CEP57L1: variants seen among roughly 807,000 people sequenced by gnomAD.
CEP57L1 encodes centrosomal protein CEP57L1.
Under a neutral mutation model 61.0 loss-of-function variants are expected in CEP57L1, and 37 were observed. That is an observed-to-expected ratio of 0.61 (90% CI 0.47 to 0.80). The LOEUF (loss-of-function observed/expected upper bound fraction) is 0.80. Among genes scored for constraint, CEP57L1 ranks in the 30% least tolerant of loss-of-function variants. The probability of loss-of-function intolerance (pLI) is 0.00; values close to 1 mark genes in which losing one functional copy is unlikely to be tolerated. For missense variants in CEP57L1, 422 were observed against 524.7 expected (o/e 0.80, Z 1.91); for synonymous variants, 137 against 162.3 (o/e 0.84, Z 1.19).
upstream of CEP57L1, chr6:109,095,438 G>T (rs1352474221): frequency 5.1e-6 from 5 of 985,736 alleles, no homozygotes; most frequent in Admixed American, 6.1e-5. Flanking sequence ...TGACTTGTGG[G>T]GAATGTAGTT....
In CEP57L1 at chr6:109,168,729, G is replaced by T. The variant is rs770580761; in HGVS notation, c.*5759G>T. ...TCCTGCCTCAGCCTCCCAAGTAGCTGGGATTATAGGTGTGCACCACCATGC... is the reference window on the plus strand; with the variant it reads ...TCCTGCCTCAGCCTCCCAAGTAGCTTGGATTATAGGTGTGCACCACCATGC... On this transcript the variant is annotated 3_prime_UTR_variant, in exon 11 of 11. Coordinates refer to ENST00000517392, the MANE Select transcript of CEP57L1 (RefSeq NM_001271852.3). 3.0e-4 allele frequency among the ~76,000 whole-genome samples: 45 copies of T among 151,082 alleles called. 1 individual carries two copies. Among genetic ancestry groups the T allele is most frequent in the Non-Finnish European group, 4.4e-5 (3 of 67,830 alleles).
chr6:109,146,064 A>G (rs1431868494), intron 2 of CEP57L1, among the ~76,000 whole-genome samples: 3 of 151,966 alleles, frequency 2.0e-5, no homozygotes, highest in Non-Finnish European at 4.4e-5. Context: ...AGGAATAAAT[A>G]TAATTTATTT....
At chr6:109,128,291 A>G (rs1773808723) in intron 1 of CEP57L1, among the ~76,000 whole-genome samples, 1 of 152,132 alleles carries the variant, frequency 6.6e-6, no homozygotes, top group South Asian at 2.1e-4. Context: ...ATTCACCACT[A>G]TCTACCCATT....
At chr6:109,101,623 CTTTTTTTTTTTTTT>C (rs1175348573) in intron 1 of CEP57L1, among the ~76,000 whole-genome samples, 1 of 139,930 alleles carries the variant, frequency 7.1e-6, no homozygotes, top group Non-Finnish European at 1.5e-5. Flanking sequence ...TTTCTTTTTT[CTTTTTTTTTTTTTT>C]TGAGACGGAG....
intron 1 of CEP57L1, among the ~76,000 whole-genome samples, chr6:109,112,409 T>C (rs1299069466): frequency 6.6e-6 from 1 of 152,220 alleles, no homozygotes; most frequent in Non-Finnish European, 1.5e-5. Flanking sequence ...TTGATTCTTC[T>C]CTCTTTTCTC....
intron 1 of CEP57L1, among the ~76,000 whole-genome samples, chr6:109,119,161 A>G (rs981383092): frequency 1.3e-5 from 2 of 152,192 alleles, no homozygotes; most frequent in South Asian, 2.1e-4. Flanking sequence ...AAAGAACTAG[A>G]TAATGAGTAA....
At chr6:109,161,214 A>G (rs890807015) in intron 10 of CEP57L1, among the ~76,000 whole-genome samples, 1 of 152,192 alleles carries the variant, frequency 6.6e-6, no homozygotes, top group Non-Finnish European at 1.5e-5. Context: ...TCAGCTAGCT[A>G]TAGTGAGTAG....
chr6:109,112,698 C>G (rs1010500520), intron 1 of CEP57L1, among the ~76,000 whole-genome samples: 2 of 152,148 alleles, frequency 1.3e-5, no homozygotes, highest in Non-Finnish European at 1.5e-5. Context: ...CACAGAGATT[C>G]TGGTACGTTG....
At chr6:109,139,490 T>A (rs1771111467) in intron 1 of CEP57L1, among the ~76,000 whole-genome samples, 1 of 151,850 alleles carries the variant, frequency 6.6e-6, no homozygotes, top group Non-Finnish European at 1.5e-5. Context: ...TTTCTTTTTT[T>A]TTTTGAGATG....
At chr6:109,138,130 G>T (rs1447116495) in intron 1 of CEP57L1, among the ~76,000 whole-genome samples, 1 of 152,188 alleles carries the variant, frequency 6.6e-6, no homozygotes. Flanking sequence ...CAGAGTTGGG[G>T]AGTGGGGGAC....
chr6:109,164,036 G>A lies in CEP57L1; in HGVS notation c.*1066G>A, dbSNP rs1773934897. ...GAGGACAGAGAGAAAAGATATAATA[G>A]AATGGAGGAGCTCAAATATAGGGTA... On this transcript the variant is annotated 3_prime_UTR_variant, in exon 11 of 11. Transcript: ENST00000517392. 6.6e-6 allele frequency: 1 copy of A among 152,098 alleles called. No homozygotes were observed. Among genetic ancestry groups the A allele is most frequent in the Non-Finnish European group, 1.5e-5 (1 of 68,024 alleles). 9.4% of individuals were successfully genotyped at this position (152,098 alleles called of 1,614,324 possible).
At position 109,170,043 on chromosome 6, in the gene CEP57L1, A is replaced by G. The variant is rs1583703912; in HGVS notation, c.*7073A>G. Among the ~76,000 whole-genome samples the G allele has an allele frequency of 1.3e-5, 2 of 152,196 alleles. No homozygotes were observed. The highest frequency in any genetic ancestry group is 4.1e-4 in the South Asian group (2 of 4,830). ...TGAGAGGATTTCTTTGGCCTTTAAT[A>G]TCCTATTTAATAGATTTCTTATAAC... On this transcript the variant is annotated 3_prime_UTR_variant, in exon 11 of 11. Coordinates refer to ENST00000517392, the MANE Select transcript of CEP57L1 (RefSeq NM_001271852.3).
chr6:109,135,630 C>T (rs1774782322), intron 1 of CEP57L1, among the ~76,000 whole-genome samples: 1 of 152,106 alleles, frequency 6.6e-6, no homozygotes, highest in Admixed American at 6.5e-5. Flanking sequence ...AACAGGCAAC[C>T]TACAGAATGG....
intron 1 of CEP57L1, chr6:109,129,211 C>A (rs1039877658): frequency 2.0e-5 from 8 of 409,336 alleles, no homozygotes; most frequent in Admixed American, 4.6e-5. Flanking sequence ...AAACAAAAAC[C>A]AAAAAAACTA....
intron 3 of CEP57L1, among the ~76,000 whole-genome samples, chr6:109,147,419 G>A (rs1772087785): frequency 6.6e-6 from 1 of 152,100 alleles, no homozygotes; most frequent in South Asian, 2.1e-4. Context: ...ATAGGCAAAT[G>A]GGGGAGGCTT....
At chr6:109,101,880 A>G (rs1309113950) in intron 1 of CEP57L1, among the ~76,000 whole-genome samples, 1 of 152,112 alleles carries the variant, frequency 6.6e-6, no homozygotes, top group Non-Finnish European at 1.5e-5. Flanking sequence ...CGGCCTCCCA[A>G]AGTGCTGGGA....
At chr6:109,135,487 T>C (rs928560940) in intron 1 of CEP57L1, among the ~76,000 whole-genome samples, 2 of 152,072 alleles carry the variant, frequency 1.3e-5, no homozygotes, top group Non-Finnish European at 2.9e-5. Flanking sequence ...GCAATACCAT[T>C]CAGGACATAG....
chr6:109,113,305 C>T (rs769780383), intron 1 of CEP57L1, among the ~76,000 whole-genome samples: 5 of 152,026 alleles, frequency 3.3e-5, no homozygotes, highest in Non-Finnish European at 7.4e-5. Flanking sequence ...TCCCCTCTTC[C>T]GGAGAAAAGC....
chr6:109,137,005 C>T lies in CEP57L1; in HGVS notation c.-3-8214C>T, dbSNP rs552391125. Among the ~76,000 whole-genome samples, 41 of 152,170 alleles carry T rather than the reference C, an allele frequency of 2.7e-4. 1 individual carries two copies. The East Asian group carries it at 5.0e-3, about 19-fold the overall frequency. Reference sequence around the variant, plus strand: ...GGGTCTCAAGCAATCCGCCCACCTCCGCCTCCCAAAGTGCAGGGATTATAG... The same window carrying T: ...GGGTCTCAAGCAATCCGCCCACCTCTGCCTCCCAAAGTGCAGGGATTATAG... On this transcript the variant is annotated intron_variant, in intron 1 of 10. Coordinates refer to ENST00000517392, the MANE Select transcript of CEP57L1 (RefSeq NM_001271852.3).
Sources: allele counts gnomAD v4.1 joint callset (sites outside exome capture counted in the v4.1 genomes callset), GRCh38; gene constraint gnomAD v4.1.1; transcripts MANE v1.5; gene names NCBI Gene and HGNC (gene_info 2026-07-23, HGNC 2026-07-21).